The following USP37 variants were observed in gnomAD, a reference collection of about 807,000 sequenced individuals.
USP37 encodes ubiquitin carboxyl-terminal hydrolase 37.
Under a neutral mutation model 124.0 loss-of-function variants are expected in USP37, and 27 were observed. The ratio of observed to expected loss-of-function variants is 0.22; its 90% confidence interval spans 0.16 to 0.30. The LOEUF (loss-of-function observed/expected upper bound fraction) is 0.30. Ranked by LOEUF, USP37 falls within the 10% of genes least tolerant of loss-of-function variation. The pLI, the probability that USP37 is intolerant of heterozygous loss-of-function variation, is 1.00. For missense variants in USP37, 889 were observed against 1,140.4 expected, an observed-to-expected ratio of 0.78 and a Z score of 3.17; for synonymous variants, 365 against 388.0, an observed-to-expected ratio of 0.94 and a Z score of 0.70.
intron 1 of USP37, among the ~76,000 whole-genome samples, chr2:218,565,121 C>T (rs532279583): frequency 5.9e-5 from 9 of 152,250 alleles, no homozygotes; most frequent in Middle Eastern, 3.4e-3. Context: ...TGGGGTTTTG[C>T]CATGTTGCCC....
chr2:218,514,690 T>C (rs1265757308), intron 10 of USP37, among the ~76,000 whole-genome samples: 1 of 152,178 alleles, frequency 6.6e-6, no homozygotes, highest in Admixed American at 6.5e-5. Flanking sequence ...AATACCCTGT[T>C]TCTCATCAAA....
At chr2:218,551,799 T>C (rs999239947) in intron 5 of USP37, among the ~76,000 whole-genome samples, 1 of 128,498 alleles carries the variant, frequency 7.8e-6, no homozygotes, top group Non-Finnish European at 1.5e-5. Flanking sequence ...TTCTTGATTC[T>C]TTTTTTTTTT....
chr2:218,513,541 C>G (rs775351952), intron 10 of USP37, among the ~76,000 whole-genome samples: 3 of 152,140 alleles, frequency 2.0e-5, no homozygotes, highest in Non-Finnish European at 2.9e-5. Flanking sequence ...GTTTGTATCC[C>G]TTCCTCCCAC....
intron 22 of USP37, among the ~76,000 whole-genome samples, chr2:218,460,386 A>G (rs1689951687): frequency 6.6e-6 from 1 of 152,194 alleles, no homozygotes; most frequent in Non-Finnish European, 1.5e-5. Context: ...CGCTCAGCCC[A>G]CTGTGGGGAA....
intron 11 of USP37, among the ~76,000 whole-genome samples, chr2:218,502,606 T>C (rs1689446701): frequency 6.6e-6 from 1 of 151,942 alleles, no homozygotes; most frequent in Non-Finnish European, 1.5e-5. Context: ...CAAATCAAAA[T>C]GAAGCCCACC....
chr2:218,511,449 C>T (rs1017518002), intron 10 of USP37, among the ~76,000 whole-genome samples: 16 of 152,216 alleles, frequency 1.1e-4, no homozygotes, highest in African/African-American at 3.6e-4. Context: ...GCTGGGACTA[C>T]AGGCGTGCGC....
intron 4 of USP37, among the ~76,000 whole-genome samples, chr2:218,555,522 A>G (rs941482526): frequency 1.5e-4 from 23 of 152,250 alleles, no homozygotes; most frequent in Admixed American, 1.2e-3. Flanking sequence ...AGGAAAATAG[A>G]TAACATTAAA....
intron 11 of USP37, among the ~76,000 whole-genome samples, chr2:218,509,038 T>A (rs1257794575): frequency 2.0e-5 from 3 of 152,210 alleles, no homozygotes; most frequent in Non-Finnish European, 4.4e-5. Context: ...CGACAATTTA[T>A]CCTACAGAAA....
intron 4 of USP37, among the ~76,000 whole-genome samples, chr2:218,557,122 G>A (rs2106056872): frequency 6.6e-6 from 1 of 152,180 alleles, no homozygotes; most frequent in East Asian, 1.9e-4. Context: ...TCCTGCCTCA[G>A]CCTCCCAAAG....
At chr2:218,481,087 G>T (rs1336254648) in intron 17 of USP37, among the ~76,000 whole-genome samples, 1 of 152,150 alleles carries the variant, frequency 6.6e-6, no homozygotes, top group Non-Finnish European at 1.5e-5. Context: ...TACCAAACTA[G>T]TGTTCAAGTA....
chr2:218,524,889 C>T (rs762146700), intron 10 of USP37, among the ~76,000 whole-genome samples: 1 of 152,130 alleles, frequency 6.6e-6, no homozygotes, highest in Non-Finnish European at 1.5e-5. Flanking sequence ...GGGTTACAGG[C>T]GTGAGCCACC....
chr2:218,548,871 G>A (rs1270846272), intron 6 of USP37, among the ~76,000 whole-genome samples: 1 of 152,162 alleles, frequency 6.6e-6, no homozygotes. Flanking sequence ...TGCTATATGT[G>A]TTAACACTTA....
chr2:218,462,627 C>G, intron 22 of USP37, among the ~76,000 whole-genome samples: 1 of 152,088 alleles, frequency 6.6e-6, no homozygotes, highest in African/African-American at 2.4e-5. Context: ...ACATTATGTT[C>G]TTCTAGGAGT....
chr2:218,508,102 T>C (rs1689774046), intron 11 of USP37, among the ~76,000 whole-genome samples: 1 of 152,276 alleles, frequency 6.6e-6, no homozygotes, highest in East Asian at 1.9e-4. Flanking sequence ...CTGAAGAAGG[T>C]AACTTAAAGG....
At chr2:218,505,347 T>C (rs1298583940) in intron 11 of USP37, among the ~76,000 whole-genome samples, 1 of 152,182 alleles carries the variant, frequency 6.6e-6, no homozygotes, top group Non-Finnish European at 1.5e-5. Flanking sequence ...CATTCTTTTA[T>C]ATGTATTCTC....
chr2:218,527,084 G>A (rs542528079), intron 10 of USP37, among the ~76,000 whole-genome samples: 145 of 152,228 alleles, frequency 9.5e-4, no homozygotes, highest in Non-Finnish European at 1.2e-3. Flanking sequence ...CACCGCGCCC[G>A]GCCTGCTTTT....
chr2:218,485,891 T>A, intron 15 of USP37, 148 bp from the exon 16 acceptor site: 1 of 777,392 alleles, frequency 1.3e-6, no homozygotes. Context: ...CCATGAGCCT[T>A]ACCAAATTAA....
intron 16 of USP37, among the ~76,000 whole-genome samples, 196 bp downstream of exon 16, chr2:218,485,468 A>G (rs1227553281): frequency 6.6e-6 from 1 of 151,936 alleles, no homozygotes; most frequent in Admixed American, 6.6e-5. Context: ...TTCTTATGCA[A>G]AAGCATTCTA....
At chr2:218,487,074 C>T (rs1691611985) in intron 15 of USP37, among the ~76,000 whole-genome samples, 1 of 151,996 alleles carries the variant, frequency 6.6e-6, no homozygotes, top group Non-Finnish European at 1.5e-5. Context: ...CAATTTGCTA[C>T]AACACAACAA....
Sources: gnomAD v4.1 joint callset for allele counts (sites outside exome capture counted in the v4.1 genomes callset) on GRCh38, gnomAD v4.1.1 for gene constraint, MANE v1.5 for transcripts, NCBI Gene and HGNC (gene_info 2026-07-23, HGNC 2026-07-21) for gene names.